ASTN1: variants seen among roughly 807,000 people sequenced by gnomAD.
ASTN1 encodes astrotactin-1.
In ASTN1, 41 loss-of-function variants were observed where a neutral mutation model predicts 140.7. The observed-to-expected ratio is 0.29, with a 90% CI of 0.23 to 0.38. ASTN1 has a LOEUF of 0.38. Ranked by LOEUF, ASTN1 falls within the 10% of genes least tolerant of loss-of-function variation. ASTN1 has a pLI of 1.00. For missense variants in ASTN1, 1,479 were observed against 1,678.8 expected (o/e 0.88, Z 2.08); for synonymous variants, 640 against 652.2 (o/e 0.98, Z 0.29).
chr1:176,902,613 A>G (rs1669816433), intron 16 of ASTN1, among the ~76,000 whole-genome samples: 1 of 152,198 alleles, frequency 6.6e-6, no homozygotes, highest in South Asian at 2.1e-4. Context: ...TTTAATAACG[A>G]ATTGACTAAA....
intron 1 of ASTN1, among the ~76,000 whole-genome samples, chr1:177,086,845 A>C (rs1451056074): frequency 6.6e-6 from 1 of 152,154 alleles, no homozygotes; most frequent in African/African-American, 2.4e-5. Context: ...GTTTGTAATG[A>C]AGAGGAAATA....
At chr1:176,877,733 G>A (rs1668623457) in intron 20 of ASTN1, among the ~76,000 whole-genome samples, 1 of 152,134 alleles carries the variant, frequency 6.6e-6, no homozygotes, top group Non-Finnish European at 1.5e-5. Context: ...CGCCTTTCTT[G>A]TCACTTTACT....
intron 1 of ASTN1, among the ~76,000 whole-genome samples, chr1:177,146,475 T>G (rs1274351916): frequency 3.9e-5 from 6 of 152,236 alleles, no homozygotes; most frequent in Non-Finnish European, 7.3e-5. Context: ...ACTTAAACTT[T>G]TTTTATACAT....
intron 16 of ASTN1, among the ~76,000 whole-genome samples, chr1:176,919,537 C>T (rs963073154): frequency 1.3e-5 from 2 of 152,168 alleles, no homozygotes; most frequent in African/African-American, 4.8e-5. Flanking sequence ...TCCTCATCCA[C>T]CTTACCATGG....
At chr1:176,971,034 G>A (rs184425244) in intron 8 of ASTN1, among the ~76,000 whole-genome samples, 73 of 152,202 alleles carry the variant, frequency 4.8e-4, no homozygotes, top group Admixed American at 1.6e-3. Flanking sequence ...ACAGCACTTC[G>A]GGGTCCCAGT....
intron 1 of ASTN1, among the ~76,000 whole-genome samples, chr1:177,124,322 C>T (rs1571818720): frequency 1.3e-5 from 2 of 152,304 alleles, no homozygotes; most frequent in East Asian, 3.9e-4. Flanking sequence ...GATAATGAAA[C>T]TGAGGCTGAT....
chr1:177,083,398 T>C lies in ASTN1; in HGVS notation c.284-22133A>G, dbSNP rs1211861877. On this transcript the variant is annotated intron_variant, in intron 1 of 22. Coordinates refer to ENST00000361833, the MANE Select transcript of ASTN1 (RefSeq NM_004319.3). Reference sequence around the variant, plus strand: ...AATTCTGGAAGGGAATTTGCTGTTCTGAAAGCAACATTCTTTTCTCTGTGC... The same window carrying C: ...AATTCTGGAAGGGAATTTGCTGTTCCGAAAGCAACATTCTTTTCTCTGTGC... Among the ~76,000 whole-genome samples, 7 of 152,146 alleles carry C rather than the reference T, an allele frequency of 4.6e-5. No homozygotes were observed. In the East Asian group the frequency reaches 1.3e-3, roughly 29 times the overall value.
chr1:176,906,058 A>G (rs1409261637), intron 16 of ASTN1, among the ~76,000 whole-genome samples: 3 of 152,222 alleles, frequency 2.0e-5, no homozygotes, highest in African/African-American at 7.2e-5. Flanking sequence ...AAGGTGACAC[A>G]GAGAAATGGT....
intron 17 of ASTN1, among the ~76,000 whole-genome samples, chr1:176,894,020 C>T (rs1165417829): frequency 6.6e-6 from 1 of 152,176 alleles, no homozygotes; most frequent in Admixed American, 6.5e-5. Flanking sequence ...AAAAGATTTG[C>T]CTGGATGTGG....
At chr1:176,988,226 A>G (rs1045749908) in intron 8 of ASTN1, among the ~76,000 whole-genome samples, 8 of 151,264 alleles carry the variant, frequency 5.3e-5, no homozygotes, top group Non-Finnish European at 1.2e-4. Flanking sequence ...TGGGGAGGTC[A>G]CCCAGGGGAA....
intron 2 of ASTN1, among the ~76,000 whole-genome samples, chr1:177,049,893 G>A (rs896509832): frequency 1.3e-4 from 20 of 152,212 alleles, no homozygotes; most frequent in Non-Finnish European, 1.8e-4. Context: ...GAGCCACGGA[G>A]CATTGAGGAA....
At chr1:176,903,748 C>T (rs34398637) in intron 16 of ASTN1, among the ~76,000 whole-genome samples, 7,094 of 152,234 alleles carry the variant, frequency 0.047, 183 homozygotes, top group African/African-American at 0.075. Context: ...CTATAACAAA[C>T]CGTCAGCAAT....
intron 2 of ASTN1, among the ~76,000 whole-genome samples, chr1:177,044,367 TG>T (rs1354787852): frequency 1.3e-5 from 2 of 152,126 alleles, no homozygotes; most frequent in Admixed American, 6.5e-5. Context: ...GAGGTGAGGA[TG>T]GGGGTTGTGA....
At chr1:177,138,128 C>A (rs1023203528) in intron 1 of ASTN1, among the ~76,000 whole-genome samples, 2 of 152,102 alleles carry the variant, frequency 1.3e-5, no homozygotes, top group African/African-American at 2.4e-5. Flanking sequence ...GAAAAGGGAA[C>A]CCAACCATCA....
intron 1 of ASTN1, among the ~76,000 whole-genome samples, chr1:177,090,753 T>C (rs191314941): frequency 9.8e-5 from 15 of 152,318 alleles, no homozygotes; most frequent in African/African-American, 3.6e-4. Flanking sequence ...GTAAATTCCT[T>C]GTTCTACTCA....
At chr1:177,047,389 T>C (rs1015881403) in intron 2 of ASTN1, among the ~76,000 whole-genome samples, 6 of 151,888 alleles carry the variant, frequency 4.0e-5, no homozygotes, top group Non-Finnish European at 7.4e-5. Context: ...ATATGACTGA[T>C]TGTCAGGGTA....
rs227503 is a variant in ASTN1 at position 177,137,586 on chromosome 1, C to T, written c.283+26808G>A. On this transcript the variant is annotated intron_variant, in intron 1 of 22. Transcript: ENST00000361833. Reference sequence around the variant, plus strand: ...TATACACATAATCCAGAGAGGTAAACGCACTTGTTCAAGGTCACAGTTACC... The same window carrying T: ...TATACACATAATCCAGAGAGGTAAATGCACTTGTTCAAGGTCACAGTTACC... Among the ~76,000 whole-genome samples, 1,129 of 152,262 alleles carry T rather than the reference C, an allele frequency of 7.4e-3. 17 individuals carry two copies. Among genetic ancestry groups the T allele is most frequent in the African/African-American group, 0.026 (1,081 of 41,534 alleles).
chr1:177,161,258 T>G (rs972091019), intron 1 of ASTN1, among the ~76,000 whole-genome samples: 10 of 152,126 alleles, frequency 6.6e-5, no homozygotes, highest in Admixed American at 3.3e-4. Context: ...CAGTCCCCAC[T>G]ACTGTCATGT....
chr1:176,926,516 G>C (rs2103081060), intron 16 of ASTN1, among the ~76,000 whole-genome samples: 1 of 152,342 alleles, frequency 6.6e-6, no homozygotes, highest in Admixed American at 6.5e-5. Context: ...CATCAGGCCT[G>C]TCTGCCTGTG....
Sources: gnomAD v4.1 joint callset for allele counts (sites outside exome capture counted in the v4.1 genomes callset) on GRCh38, gnomAD v4.1.1 for gene constraint, MANE v1.5 for transcripts, NCBI Gene and HGNC (gene_info 2026-07-23, HGNC 2026-07-21) for gene names.